Variants in DSCAM observed in about 807,000 individuals in gnomAD.
The protein encoded by DSCAM is cell adhesion molecule DSCAM.
In DSCAM, 47 loss-of-function variants were observed where a neutral mutation model predicts 217.7. The observed-to-expected ratio is 0.22, with a 90% CI of 0.17 to 0.28. The LOEUF is 0.28. Among genes scored for constraint, DSCAM ranks in the 10% least tolerant of loss-of-function variants. The pLI, the probability that DSCAM is intolerant of heterozygous loss-of-function variation, is 1.00. For missense variants in DSCAM, 2,080 were observed against 2,618.3 expected (o/e 0.79, Z 4.49); for synonymous variants, 1,056 against 1,015.3 (o/e 1.04, Z -0.76).
At chr21:40,070,488 A>G (rs2837419) in intron 27 of DSCAM, among the ~76,000 whole-genome samples, 32,062 of 152,172 alleles carry the variant, frequency 0.21, 4,194 homozygotes, top group East Asian at 0.37. Flanking sequence ...AGAGTTTCAG[A>G]GTACAGGCTT....
At chr21:40,639,927 G>T (rs1241532039) in intron 3 of DSCAM, among the ~76,000 whole-genome samples, 1 of 152,156 alleles carries the variant, frequency 6.6e-6, no homozygotes. Context: ...CCCATGCCTT[G>T]TTCTACACGG....
intron 1 of DSCAM, among the ~76,000 whole-genome samples, chr21:40,777,633 G>A (rs1003052646): frequency 6.6e-6 from 1 of 152,092 alleles, no homozygotes; most frequent in East Asian, 1.9e-4. Context: ...TTGTGATGAA[G>A]AATGTGAAAG....
chr21:40,826,905 G>A (rs967180524), intron 1 of DSCAM, among the ~76,000 whole-genome samples: 23 of 152,108 alleles, frequency 1.5e-4, no homozygotes, highest in African/African-American at 4.8e-4. Context: ...ATAGAGATAC[G>A]AATATGGAAG....
chr21:40,372,702 C>G (rs1196807850), intron 3 of DSCAM, among the ~76,000 whole-genome samples: 1 of 152,106 alleles, frequency 6.6e-6, no homozygotes, highest in Non-Finnish European at 1.5e-5. Context: ...ATGTTACTTC[C>G]CTTTGTTATC....
At chr21:40,175,805 A>ATG (rs1555886104) in intron 15 of DSCAM, among the ~76,000 whole-genome samples, 8 of 112,538 alleles carry the variant, frequency 7.1e-5, no homozygotes, top group African/African-American at 2.7e-4. Context: ...ACACACACAC[A>ATG]CACGCACACA....
intron 3 of DSCAM, among the ~76,000 whole-genome samples, chr21:40,635,609 C>T (rs1467865113): frequency 1.3e-5 from 2 of 152,060 alleles, no homozygotes; most frequent in African/African-American, 4.8e-5. Flanking sequence ...GTGTCTGATT[C>T]GTGACTGTGG....
intron 9 of DSCAM, among the ~76,000 whole-genome samples, chr21:40,302,257 G>A (rs2074025524): frequency 6.6e-6 from 1 of 152,106 alleles, no homozygotes; most frequent in South Asian, 2.1e-4. Context: ...CCTATTGTGG[G>A]AGGGATCCAG....
chr21:40,488,865 G>A (rs1425942721), intron 3 of DSCAM, among the ~76,000 whole-genome samples: 1 of 152,154 alleles, frequency 6.6e-6, no homozygotes, highest in Non-Finnish European at 1.5e-5. Context: ...ACAAAAATGA[G>A]TTCAAGAGAG....
rs145844638 is a variant in DSCAM at position 40,476,192 on chromosome 21, A to C, written c.509-106947T>G. Among the ~76,000 whole-genome samples, 75 of 152,224 alleles carry C rather than the reference A, an allele frequency of 4.9e-4. 1 individual carries two copies. In the East Asian group the frequency reaches 0.013, roughly 27 times the overall value. ...AGAAACGTCCTTGTATTTCTATAGG[A>C]GGGTCCCCATTTGAAGGCCCTTAGT... On this transcript the variant is annotated intron_variant, in intron 3 of 32. Coordinates refer to ENST00000400454, the MANE Select transcript of DSCAM (RefSeq NM_001389.5).
intron 1 of DSCAM, among the ~76,000 whole-genome samples, chr21:40,781,320 C>T (rs2091542505): frequency 6.6e-6 from 1 of 152,024 alleles, no homozygotes; most frequent in Non-Finnish European, 1.5e-5. Flanking sequence ...GTGCCTGGCC[C>T]ATTTTGTACA....
intron 1 of DSCAM, among the ~76,000 whole-genome samples, chr21:40,773,666 A>G (rs2091464958): frequency 6.6e-6 from 1 of 152,230 alleles, no homozygotes; most frequent in African/African-American, 2.4e-5. Context: ...TAAGTAAGCA[A>G]AAGAAAGCAC....
In DSCAM at chr21:40,843,368, ATGTGTGTGTGTGTGTG is replaced by A. The variant is rs36229663; in HGVS notation, c.43+3235_43+3250del. 3.1e-4 allele frequency among the ~76,000 whole-genome samples: 46 copies of A among 146,164 alleles called. No homozygotes were observed. In the East Asian group the frequency reaches 4.3e-3, roughly 14 times the overall value. ...AAAAGATGATGTCAGGAATGCATGCATGTGTGTGTGTGTGTGTGTGTGTGTGTGTGTGTGTGTGTGT... is the reference window on the plus strand; with the variant it reads ...AAAAGATGATGTCAGGAATGCATGCATGTGTGTGTGTGTGTGTGTGTGTGT... On this transcript the variant is annotated intron_variant, in intron 1 of 32. Coordinates refer to ENST00000400454, the MANE Select transcript of DSCAM (RefSeq NM_001389.5).
intron 3 of DSCAM, among the ~76,000 whole-genome samples, chr21:40,427,131 C>T (rs1339460206): frequency 6.6e-6 from 1 of 152,200 alleles, no homozygotes; most frequent in African/African-American, 2.4e-5. Context: ...GCAGGGCATA[C>T]AGGAGAGGGG....
intron 1 of DSCAM, among the ~76,000 whole-genome samples, chr21:40,749,356 G>A (rs2091205311): frequency 6.6e-6 from 1 of 151,890 alleles, no homozygotes; most frequent in Non-Finnish European, 1.5e-5. Context: ...AATATATAAG[G>A]AACTCAAACA....
At chr21:40,754,109 C>T (rs1270518520) in intron 1 of DSCAM, among the ~76,000 whole-genome samples, 1 of 152,232 alleles carries the variant, frequency 6.6e-6, no homozygotes, top group Non-Finnish European at 1.5e-5. Context: ...TTTTCTTGCT[C>T]AGACTCCGCT....
At chr21:40,736,981 T>C (rs145994507) in intron 1 of DSCAM, among the ~76,000 whole-genome samples, 74 of 152,244 alleles carry the variant, frequency 4.9e-4, no homozygotes, top group African/African-American at 1.7e-3. Flanking sequence ...CTATAGAAAA[T>C]ACTTAAGATA....
chr21:40,642,929 T>C (rs1343977106), intron 3 of DSCAM, among the ~76,000 whole-genome samples: 3 of 152,094 alleles, frequency 2.0e-5, no homozygotes, highest in Non-Finnish European at 4.4e-5. Context: ...GGAGACCCAG[T>C]GATGGGCTCT....
intron 3 of DSCAM, among the ~76,000 whole-genome samples, chr21:40,668,029 C>T (rs898880877): frequency 1.3e-5 from 2 of 152,164 alleles, no homozygotes; most frequent in African/African-American, 4.8e-5. Context: ...AAGTAGAAGG[C>T]CCCAGTCTCA....
chr21:40,126,801 GATCT>G (rs145382213), intron 19 of DSCAM, among the ~76,000 whole-genome samples: 2,526 of 152,232 alleles, frequency 0.017, 75 homozygotes, highest in African/African-American at 0.057. Flanking sequence ...ATGGATTTAT[GATCT>G]ATCTTACACA....
Sources: allele counts gnomAD v4.1 joint callset (sites outside exome capture counted in the v4.1 genomes callset), GRCh38; gene constraint gnomAD v4.1.1; transcripts MANE v1.5; gene names NCBI Gene and HGNC (gene_info 2026-07-23, HGNC 2026-07-21).